Variants in SCAPER observed in about 807,000 individuals in gnomAD.
SCAPER encodes the protein S-phase cyclin A associated protein in the ER.
SCAPER carries 98 observed loss-of-function variants against 182.2 expected under a neutral mutation model. That is an observed-to-expected ratio of 0.54 (90% CI 0.46 to 0.64). The LOEUF is 0.64. Ranked by LOEUF, SCAPER falls within the 30% of genes least tolerant of loss-of-function variation. The pLI, the probability that SCAPER is intolerant of heterozygous loss-of-function variation, is 0.00. For missense variants in SCAPER, 1,432 were observed against 1,690.0 expected, an observed-to-expected ratio of 0.85 and a Z score of 2.68; for synonymous variants, 605 against 564.6, an observed-to-expected ratio of 1.07 and a Z score of -1.01.
At chr15:76,797,301 T>C (rs1214152357) in intron 7 of SCAPER, 1 of 152,218 alleles carries the variant, frequency 6.6e-6, no homozygotes, top group Non-Finnish European at 1.5e-5. Flanking sequence ...AAAACAATTT[T>C]TTTGTTTGTG....
chr15:76,480,977 C>T (rs941051034), intron 24 of SCAPER, among the ~76,000 whole-genome samples: 9 of 152,210 alleles, frequency 5.9e-5, no homozygotes, highest in Non-Finnish European at 1.2e-4. Flanking sequence ...GTGATCCGCC[C>T]GGCTCGGCCT....
At chr15:76,556,422 A>G (rs920847626) in intron 23 of SCAPER, among the ~76,000 whole-genome samples, 1 of 152,200 alleles carries the variant, frequency 6.6e-6, no homozygotes, top group African/African-American at 2.4e-5. Flanking sequence ...ACCATACACA[A>G]GATCAGTAAA....
intron 25 of SCAPER, among the ~76,000 whole-genome samples, chr15:76,453,787 G>T (rs17363713): frequency 6.6e-6 from 1 of 151,928 alleles, no homozygotes; most frequent in Non-Finnish European, 1.5e-5. Flanking sequence ...TTGGGAGATG[G>T]GTATGGCATA....
At chr15:76,592,278 A>G (rs981421988) in intron 22 of SCAPER, among the ~76,000 whole-genome samples, 1 of 124,296 alleles carries the variant, frequency 8.0e-6, no homozygotes, top group African/African-American at 2.5e-5. Flanking sequence ...AGGCATTTCA[A>G]TTATGACTTT....
intron 29 of SCAPER, among the ~76,000 whole-genome samples, chr15:76,375,624 T>C (rs2042503987): frequency 6.6e-6 from 1 of 152,230 alleles, no homozygotes; most frequent in African/African-American, 2.4e-5. Context: ...GAATATTTTA[T>C]TAAAAATATT....
Position 76,725,488 on chromosome 15 carries a change from TTC to T in SCAPER, c.2165+3105_2165+3106del, listed in dbSNP as rs572260911. Reference sequence around the variant, plus strand: ...CAATCCCTATCAAAATCCCAATGACTTCTTTTTTACAAAAATTAAAAAATGCA... The same window carrying T: ...CAATCCCTATCAAAATCCCAATGACTTTTTTTACAAAAATTAAAAAATGCA... On this transcript the variant is annotated intron_variant, in intron 17 of 31. Coordinates refer to ENST00000563290, the MANE Select transcript of SCAPER (RefSeq NM_020843.4). 8.0e-5 allele frequency among the ~76,000 whole-genome samples: 12 copies of T among 150,200 alleles called. No homozygotes were observed. The South Asian group carries it at 2.1e-3, about 26-fold the overall frequency.
intron 25 of SCAPER, among the ~76,000 whole-genome samples, chr15:76,459,001 C>T (rs1003308780): frequency 1.7e-4 from 26 of 152,202 alleles, no homozygotes; most frequent in Admixed American, 5.9e-4. Flanking sequence ...CTCAAGCAAT[C>T]CTCTCATCTC....
At chr15:76,692,929 G>A (rs147414186) in intron 20 of SCAPER, among the ~76,000 whole-genome samples, 6 of 151,822 alleles carry the variant, frequency 4.0e-5, no homozygotes, top group Admixed American at 3.3e-4. Flanking sequence ...AAAATGAAAT[G>A]ATCAAGAAAA....
At chr15:76,482,495 C>T (rs1298191913) in intron 24 of SCAPER, among the ~76,000 whole-genome samples, 1 of 152,110 alleles carries the variant, frequency 6.6e-6, no homozygotes, top group African/African-American at 2.4e-5. Flanking sequence ...TCTCTCACCA[C>T]TCCTATATAC....
chr15:76,535,618 T>C (rs149088191), intron 23 of SCAPER, among the ~76,000 whole-genome samples: 2 of 151,872 alleles, frequency 1.3e-5, no homozygotes, highest in Non-Finnish European at 2.9e-5. Context: ...CACAAACATT[T>C]ATGGAAAATT....
intron 17 of SCAPER, among the ~76,000 whole-genome samples, chr15:76,714,534 GGTA>G (rs35883569): frequency 0.4 from 59,334 of 149,268 alleles, 11,823 homozygotes; most frequent in East Asian, 0.57. Context: ...TAGTAGTAGT[GGTA>G]GTAGTAGTAG....
At chr15:76,716,005 C>G (rs959771609) in intron 17 of SCAPER, among the ~76,000 whole-genome samples, 1 of 152,138 alleles carries the variant, frequency 6.6e-6, no homozygotes, top group Non-Finnish European at 1.5e-5. Context: ...TGCCCTAAAA[C>G]CCAGTGCTGC....
intron 24 of SCAPER, among the ~76,000 whole-genome samples, chr15:76,501,086 C>A (rs982838965): frequency 1.3e-5 from 2 of 151,682 alleles, no homozygotes; most frequent in African/African-American, 4.8e-5. Flanking sequence ...TTAGTCTACC[C>A]CAAAGGAGAT....
At chr15:76,804,965 T>C (rs1304933359) in intron 5 of SCAPER, among the ~76,000 whole-genome samples, 2 of 152,080 alleles carry the variant, frequency 1.3e-5, no homozygotes, top group African/African-American at 4.8e-5. Flanking sequence ...TCCCAGTCAC[T>C]CCAGAGGCTG....
At chr15:76,781,205 G>T (rs1171349778) in intron 8 of SCAPER, among the ~76,000 whole-genome samples, 1 of 152,172 alleles carries the variant, frequency 6.6e-6, no homozygotes, top group African/African-American at 2.4e-5. Context: ...TGACCTGATA[G>T]AACTGAAAAC....
At chr15:76,501,591 C>T (rs764534586) in intron 24 of SCAPER, among the ~76,000 whole-genome samples, 11 of 152,216 alleles carry the variant, frequency 7.2e-5, no homozygotes, top group South Asian at 4.1e-4. Flanking sequence ...TGTTATGAGA[C>T]AGTGGCTTAA....
At chr15:76,555,218 T>C (rs2046105025) in intron 23 of SCAPER, among the ~76,000 whole-genome samples, 1 of 152,194 alleles carries the variant, frequency 6.6e-6, no homozygotes. Flanking sequence ...AGAACTCCTC[T>C]ACGAAAGGTC....
chr15:76,439,507 C>A (rs142397314), intron 25 of SCAPER, among the ~76,000 whole-genome samples: 4 of 152,188 alleles, frequency 2.6e-5, no homozygotes, highest in Non-Finnish European at 4.4e-5. Context: ...TTGTGAGCAG[C>A]CTGCTCTTTT....
Position 76,726,155 on chromosome 15 carries a change from A to ATATATATATATATATAT in SCAPER, c.2165+2439_2165+2440insATATATATATATATATA, listed in dbSNP as rs1491513286. On this transcript the variant is annotated intron_variant, in intron 17 of 31. Transcript: ENST00000563290. Reference sequence around the variant, plus strand: ...TATATATATATATATATATATATATAAAAAACTCTATAACCCAACAAGAAA... The same window carrying ATATATATATATATATAT: ...TATATATATATATATATATATATATATATATATATATATATATAAAAACTCTATAACCCAACAAGAAA... Among the ~76,000 whole-genome samples, 42 of 97,294 alleles carry ATATATATATATATATAT rather than the reference A, an allele frequency of 4.3e-4. 9 individuals are homozygous for ATATATATATATATATAT. The highest frequency in any genetic ancestry group is 6.6e-4 in the African/African-American group (16 of 24,244). 63.8% of individuals were successfully genotyped at this position (97,294 alleles called of 152,430 possible).
Sources: allele counts gnomAD v4.1 joint callset (sites outside exome capture counted in the v4.1 genomes callset), GRCh38; gene constraint gnomAD v4.1.1; transcripts MANE v1.5; gene names NCBI Gene and HGNC (gene_info 2026-07-23, HGNC 2026-07-21).